The following AP3B1 variants were observed in gnomAD, a reference collection of about 807,000 sequenced individuals.
AP3B1 encodes adaptor related protein complex 3 subunit beta 1.
AP3B1 carries 61 observed loss-of-function variants against 132.5 expected under a neutral mutation model. The observed-to-expected ratio is 0.46, with a 90% CI of 0.37 to 0.57. The LOEUF is 0.57. Ranked by LOEUF, AP3B1 falls within the 20% of genes least tolerant of loss-of-function variation. The pLI is 0.00. For missense variants in AP3B1, 1,120 were observed against 1,289.4 expected (o/e 0.87, Z 2.01); for synonymous variants, 388 against 438.3 (o/e 0.89, Z 1.43).
At chr5:78,294,319 G>A in intron 1 of AP3B1, 133 bp downstream of exon 1, 1 of 1,329,286 alleles carries the variant, frequency 7.5e-7, no homozygotes, top group Non-Finnish European at 1.0e-6. Context: ...CCACCCGCGG[G>A]ACACGTTACC....
intron 22 of AP3B1, 33 bp from the exon 23 acceptor site, chr5:78,039,307 G>T: frequency 6.7e-7 from 1 of 1,485,174 alleles, no homozygotes. Context: ...AAAAAGATGA[G>T]TTAGTGAATA....
chr5:78,278,363 G>GGGTCCT (rs1487935362), intron 1 of AP3B1, among the ~76,000 whole-genome samples: 2 of 139,956 alleles, frequency 1.4e-5, no homozygotes, highest in African/African-American at 2.5e-5. Flanking sequence ...TCTTTGGGAG[G>GGGTCCT]CCGAGGCGGG....
intron 1 of AP3B1, among the ~76,000 whole-genome samples, chr5:78,293,737 G>C (rs1749632075): frequency 6.6e-6 from 1 of 151,634 alleles, no homozygotes; most frequent in South Asian, 2.1e-4. Context: ...AACAACTTGG[G>C]ATTTCTTTCC....
chr5:78,108,619 T>C (rs567055580), intron 20 of AP3B1, among the ~76,000 whole-genome samples: 1 of 152,348 alleles, frequency 6.6e-6, no homozygotes, highest in African/African-American at 2.4e-5. Flanking sequence ...CTTGGTTCAC[T>C]GCAATAGTTT....
At chr5:78,142,263 G>C (rs1159193495) in intron 14 of AP3B1, among the ~76,000 whole-genome samples, 1 of 152,188 alleles carries the variant, frequency 6.6e-6, no homozygotes, top group Non-Finnish European at 1.5e-5. Flanking sequence ...CAACAATTTA[G>C]AGTATGCAAA....
In AP3B1 at chr5:78,070,427, T is replaced by C. The variant is rs537040983; in HGVS notation, c.2577+18966A>G. ...ATCTCAAGAAAAAAAAAAAAAAAAC[T>C]AAAATGTAAAACCCAAAACTGTAAA... On this transcript the variant is annotated intron_variant, in intron 22 of 26. Coordinates refer to ENST00000255194, the MANE Select transcript of AP3B1 (RefSeq NM_003664.5). Among the ~76,000 whole-genome samples, 22 of 136,456 alleles carry C rather than the reference T, an allele frequency of 1.6e-4. 4 individuals carry two copies. The highest frequency in any genetic ancestry group is 1.4e-3 in the East Asian group (7 of 4,830). The allele number at this position is 136,456 out of a possible 152,430, so 89.5% of individuals were successfully genotyped here.
chr5:78,127,930 T>G, intron 17 of AP3B1, 100 bp downstream of exon 17: 1 of 1,398,006 alleles, frequency 7.2e-7, no homozygotes, highest in South Asian at 1.2e-5. Flanking sequence ...TAGAACAATT[T>G]TCAATTTTCA....
chr5:78,230,441 T>C (rs565943832), intron 3 of AP3B1, among the ~76,000 whole-genome samples: 1 of 152,240 alleles, frequency 6.6e-6, no homozygotes, highest in African/African-American at 2.4e-5. Context: ...GGTAGAGTTA[T>C]AAATGAAATG....
intron 22 of AP3B1, chr5:78,042,808 C>T (rs1456460531): frequency 6.4e-6 from 1 of 156,550 alleles, no homozygotes; most frequent in Non-Finnish European, 1.5e-5. Flanking sequence ...TTTTTCTTCT[C>T]ATTCTCAAAG....
intron 5 of AP3B1, among the ~76,000 whole-genome samples, 186 bp from the exon 6 acceptor site, chr5:78,225,794 C>T (rs1746376211): frequency 1.3e-5 from 2 of 151,782 alleles, no homozygotes; most frequent in Non-Finnish European, 2.9e-5. Flanking sequence ...ATCTTTCCCT[C>T]TAATATTGTT....
intron 22 of AP3B1, among the ~76,000 whole-genome samples, chr5:78,053,744 C>T (rs976350888): frequency 4.0e-5 from 6 of 151,626 alleles, no homozygotes; most frequent in Non-Finnish European, 5.9e-5. Context: ...AATTTGGTGT[C>T]CCTTCCGATC....
At chr5:78,096,998 T>G (rs1399300760) in intron 21 of AP3B1, among the ~76,000 whole-genome samples, 1 of 115,908 alleles carries the variant, frequency 8.6e-6, no homozygotes, top group Admixed American at 8.4e-5. Context: ...AGCCGCCCTG[T>G]CCGGGAGGGA....
chr5:78,085,657 TATC>T (rs1443462015), intron 22 of AP3B1, among the ~76,000 whole-genome samples: 2 of 152,186 alleles, frequency 1.3e-5, no homozygotes, highest in African/African-American at 2.4e-5. Flanking sequence ...TTTAAAAAGT[TATC>T]ATTATATTAT....
chr5:78,140,511 C>T, intron 15 of AP3B1, among the ~76,000 whole-genome samples: 1 of 152,268 alleles, frequency 6.6e-6, no homozygotes, highest in South Asian at 2.1e-4. Context: ...CAGATAGCAC[C>T]TTCTCACTGT....
Position 78,267,457 on chromosome 5 carries a change from A to G in AP3B1, c.204+63T>C. On this transcript the variant is annotated intron_variant, in intron 2 of 26. Coordinates refer to ENST00000255194, the MANE Select transcript of AP3B1 (RefSeq NM_003664.5). ...ATTTAACGTATTTTTATATATATAT[A>G]TAATAATATGATCACTGCTTGTCCA... The G allele has an allele frequency of 3.7e-6, 3 of 803,572 alleles. 1 individual carries two copies. The South Asian group carries it at 5.1e-5, about 14-fold the overall frequency. 49.8% of individuals were successfully genotyped at this position (803,572 alleles called of 1,614,324 possible).
At chr5:78,230,026 A>G (rs1246501736) in intron 3 of AP3B1, among the ~76,000 whole-genome samples, 2 of 152,136 alleles carry the variant, frequency 1.3e-5, no homozygotes, top group Non-Finnish European at 2.9e-5. Flanking sequence ...GCGTGACACT[A>G]CAAACTACAA....
rs1308875718 is a variant in AP3B1 at position 78,220,982 on chromosome 5, G to A, written c.603+4560C>T. Among the ~76,000 whole-genome samples, 13 of 152,088 alleles carry A rather than the reference G, an allele frequency of 8.5e-5. No homozygotes were observed. In the South Asian group the frequency reaches 1.2e-3, roughly 15 times the overall value. ...GAGGATTGCTTGTGCTGGGGAGGTC[G>A]AGGCTGCAGTGAGCCATGATCACAC... is the stretch of plus-strand genomic sequence containing the variant. On this transcript the variant is annotated intron_variant, in intron 6 of 26. Coordinates refer to ENST00000255194, the MANE Select transcript of AP3B1 (RefSeq NM_003664.5).
intron 7 of AP3B1, among the ~76,000 whole-genome samples, chr5:78,184,063 G>A (rs1744492173): frequency 6.6e-6 from 1 of 151,234 alleles, no homozygotes; most frequent in Non-Finnish European, 1.5e-5. Context: ...AGCTACTCAG[G>A]AAGCTGAGGC....
At chr5:78,082,184 C>G (rs182238558) in intron 22 of AP3B1, among the ~76,000 whole-genome samples, 62 of 152,146 alleles carry the variant, frequency 4.1e-4, no homozygotes, top group African/African-American at 1.4e-3. Flanking sequence ...TAGGTGACAT[C>G]AACCCTATGT....
Sources: allele counts gnomAD v4.1 joint callset (sites outside exome capture counted in the v4.1 genomes callset), GRCh38; gene constraint gnomAD v4.1.1; transcripts MANE v1.5; gene names NCBI Gene and HGNC (gene_info 2026-07-23, HGNC 2026-07-21).